Variants in RSPO2 observed in about 807,000 individuals in gnomAD.
RSPO2 encodes R-spondin-2.
Under a neutral mutation model 30.9 loss-of-function variants are expected in RSPO2, and 14 were observed. That is an observed-to-expected ratio of 0.45 (90% CI 0.30 to 0.71). The LOEUF (loss-of-function observed/expected upper bound fraction) is 0.71. Among genes scored for constraint, RSPO2 ranks in the 30% least tolerant of loss-of-function variants. RSPO2 has a pLI of 0.08. For synonymous variants in RSPO2, 107 were observed against 96.4 expected, an observed-to-expected ratio of 1.11 and a Z score of -0.64; for missense variants, 264 against 301.9, an observed-to-expected ratio of 0.87 and a Z score of 0.93.
chr8:107,986,997 G>A (rs1814665236), intron 3 of RSPO2, among the ~76,000 whole-genome samples: 1 of 152,140 alleles, frequency 6.6e-6, no homozygotes, highest in Admixed American at 6.5e-5. Flanking sequence ...ACAACTGGTG[G>A]GGAGTTGTTT....
In RSPO2 at chr8:107,907,828, T is replaced by C. The variant is rs1022080553; in HGVS notation, c.617-6638A>G. The stretch of plus-strand genomic sequence containing the variant: ...CTTTCATCTGTAAAAAGTTACCATA[T>C]TTTTTTATCTAAAATAGTATGAAAT... On this transcript the variant is annotated intron_variant, in intron 5 of 5. Transcript: ENST00000276659. Among the ~76,000 whole-genome samples, 5 of 151,790 alleles carry C rather than the reference T, an allele frequency of 3.3e-5. 1 individual carries two copies. The highest frequency in any genetic ancestry group is 3.3e-4 in the Admixed American group (5 of 15,254).
chr8:107,992,753 T>C (rs1391729109), intron 2 of RSPO2, among the ~76,000 whole-genome samples: 1 of 152,148 alleles, frequency 6.6e-6, no homozygotes, highest in Non-Finnish European at 1.5e-5. Context: ...GATAAAACTT[T>C]GACTGACAGC....
chr8:108,054,060 T>C (rs552165767), intron 2 of RSPO2, among the ~76,000 whole-genome samples: 14 of 152,274 alleles, frequency 9.2e-5, no homozygotes, highest in African/African-American at 3.4e-4. Context: ...ATGCATTTGT[T>C]GAAAAAATTA....
intron 2 of RSPO2, among the ~76,000 whole-genome samples, chr8:108,076,042 T>C (rs1813004187): frequency 6.6e-6 from 1 of 151,964 alleles, no homozygotes; most frequent in Non-Finnish European, 1.5e-5. Flanking sequence ...TCTAAGAAAC[T>C]ATGAGGGAAT....
chr8:107,960,116 T>C (rs1314284511), intron 4 of RSPO2, among the ~76,000 whole-genome samples: 1 of 152,162 alleles, frequency 6.6e-6, no homozygotes, highest in African/African-American at 2.4e-5. Context: ...AGATATAAAA[T>C]TTATAAAATG....
chr8:108,078,046 T>C (rs1813068184), intron 2 of RSPO2, among the ~76,000 whole-genome samples: 1 of 152,044 alleles, frequency 6.6e-6, no homozygotes, highest in African/African-American at 2.4e-5. Context: ...AACTGGCCAG[T>C]TTGTCTCTAA....
At chr8:107,940,000 CAT>C (rs1812844369) in intron 5 of RSPO2, among the ~76,000 whole-genome samples, 1 of 152,068 alleles carries the variant, frequency 6.6e-6, no homozygotes, top group Non-Finnish European at 1.5e-5. Flanking sequence ...CAGAGCAGAA[CAT>C]AGCTTCTTCA....
At chr8:108,059,355 G>C (rs1297732397) in intron 2 of RSPO2, among the ~76,000 whole-genome samples, 1 of 151,760 alleles carries the variant, frequency 6.6e-6, no homozygotes, top group Non-Finnish European at 1.5e-5. Context: ...GGAAACAACA[G>C]GTGCTGGAGA....
chr8:107,962,722 G>A (rs577347323), intron 3 of RSPO2, among the ~76,000 whole-genome samples: 39 of 151,574 alleles, frequency 2.6e-4, no homozygotes, highest in South Asian at 6.3e-4. Context: ...CCTTCCTGCC[G>A]TAGTTATTTT....
Position 108,082,677 on chromosome 8 carries a change from T to C in RSPO2, c.-39A>G, listed in dbSNP as rs762558714. ...CGGGGGAGAGACGCCTCTCAAAGTC[T>C]AGGAACTGGAGGGTTCGCCCAAAGA... On this transcript the variant is annotated 5_prime_UTR_variant, in exon 2 of 6. Transcript: ENST00000276659. 20 of 1,558,542 alleles carry C rather than the reference T, an allele frequency of 1.3e-5. 1 individual carries two copies. The highest frequency in any genetic ancestry group is 6.7e-5 in the South Asian group (6 of 89,590).
rs1009380626 is a variant in RSPO2, at chr8:107,899,747, A to G, written c.*1328T>C. 1.3e-5 allele frequency: 2 copies of G among 152,224 alleles called. No homozygotes were observed. Among genetic ancestry groups the G allele is most frequent in the African/African-American group, 4.8e-5 (2 of 41,444 alleles). 9.4% of individuals were successfully genotyped at this position (152,224 alleles called of 1,614,324 possible). ...TGCTTTGTGAAAAAGCCAATTCACAACCTTCTAAAAACTGGTTCCCCTAAA... is the reference window on the plus strand; with the variant it reads ...TGCTTTGTGAAAAAGCCAATTCACAGCCTTCTAAAAACTGGTTCCCCTAAA... On this transcript the variant is annotated 3_prime_UTR_variant, in exon 6 of 6. Coordinates refer to ENST00000276659, the MANE Select transcript of RSPO2 (RefSeq NM_178565.5).
chr8:108,032,359 G>T (rs2443780), intron 2 of RSPO2, among the ~76,000 whole-genome samples: 46,854 of 151,930 alleles, frequency 0.31, 7,330 homozygotes, highest in South Asian at 0.4. Flanking sequence ...AACTCCTTGA[G>T]AGCAAACACT....
chr8:108,071,707 G>A (rs1255106796), intron 2 of RSPO2, among the ~76,000 whole-genome samples: 2 of 152,174 alleles, frequency 1.3e-5, no homozygotes, highest in Admixed American at 6.5e-5. Flanking sequence ...GAACTAACAA[G>A]CAAGAGTTTC....
rs902365548 is a variant in RSPO2 at position 108,082,808 on chromosome 8, C to G, written c.-169-1G>C. 1.4e-5 allele frequency: 8 copies of G among 579,670 alleles called. No homozygotes were observed. Among genetic ancestry groups the G allele is most frequent in the African/African-American group, 9.5e-5 (5 of 52,762 alleles). The allele number at this position is 579,670 out of a possible 1,614,324, so 35.9% of individuals were successfully genotyped here. On this transcript the variant is annotated splice_acceptor_variant, in intron 1 of 5. Coordinates refer to ENST00000276659, the MANE Select transcript of RSPO2 (RefSeq NM_178565.5). LOFTEE classifies it low-confidence loss of function (5UTR_SPLICE). ...CGATCAGCATCTCTCCGCCACGAAC[C>G]TGAGAGACAAGAAGCGAAAACAGGG...
At chr8:108,022,957 T>A (rs2437001) in intron 2 of RSPO2, among the ~76,000 whole-genome samples, 149,834 of 150,118 alleles carry the variant, frequency 1, 74,777 homozygotes, top group Middle Eastern at 1. Flanking sequence ...ACACACACAC[T>A]CACAGTAGTT....
chr8:108,030,580 T>C (rs901605862), intron 2 of RSPO2, among the ~76,000 whole-genome samples: 86 of 152,202 alleles, frequency 5.7e-4, no homozygotes, highest in Non-Finnish European at 5.6e-4. Context: ...ACACACACCA[T>C]CCTTTAATCA....
At chr8:108,046,256 A>T (rs1156490423) in intron 2 of RSPO2, among the ~76,000 whole-genome samples, 2 of 152,234 alleles carry the variant, frequency 1.3e-5, no homozygotes, top group Non-Finnish European at 2.9e-5. Flanking sequence ...ATGCAAAGAT[A>T]AAATGTGCTA....
chr8:107,955,589 A>G (rs543784905), intron 5 of RSPO2, among the ~76,000 whole-genome samples: 57 of 150,194 alleles, frequency 3.8e-4, no homozygotes, highest in African/African-American at 1.4e-3. Flanking sequence ...GAAAGCAAAT[A>G]AGCATATAAC....
At chr8:108,013,713 A>C (rs1230382017) in intron 2 of RSPO2, among the ~76,000 whole-genome samples, 2 of 152,244 alleles carry the variant, frequency 1.3e-5, no homozygotes, top group Non-Finnish European at 2.9e-5. Context: ...AGATAGATTA[A>C]AGACTTAAAT....
Sources: gnomAD v4.1 joint callset for allele counts (sites outside exome capture counted in the v4.1 genomes callset) on GRCh38, gnomAD v4.1.1 for gene constraint, MANE v1.5 for transcripts, NCBI Gene and HGNC (gene_info 2026-07-23, HGNC 2026-07-21) for gene names.